The following DIAPH3 variants were observed in gnomAD, a reference collection of about 807,000 sequenced individuals.
DIAPH3 encodes the protein protein diaphanous homolog 3.
Under a neutral mutation model 144.3 loss-of-function variants are expected in DIAPH3, and 117 were observed. That is an observed-to-expected ratio of 0.81 (90% CI 0.70 to 0.95). The LOEUF (loss-of-function observed/expected upper bound fraction) is 0.95, where lower values mean the gene tolerates loss of function less well. Ranked by LOEUF, DIAPH3 falls within the 40% of genes least tolerant of loss-of-function variation. The pLI, the probability that DIAPH3 is intolerant of heterozygous loss-of-function variation, is 0.00. For synonymous variants in DIAPH3, 519 were observed against 488.9 expected, an observed-to-expected ratio of 1.06 and a Z score of -0.81; for missense variants, 1,421 against 1,412.7, an observed-to-expected ratio of 1.01 and a Z score of -0.09.
At chr13:59,706,328 A>G (rs1257458374) in intron 27 of DIAPH3, among the ~76,000 whole-genome samples, 2 of 152,148 alleles carry the variant, frequency 1.3e-5, no homozygotes, top group Non-Finnish European at 2.9e-5. Flanking sequence ...CATCTTTTAC[A>G]TCATATAATT....
intron 27 of DIAPH3, among the ~76,000 whole-genome samples, chr13:59,722,750 G>A (rs2035406094): frequency 6.6e-6 from 1 of 152,150 alleles, no homozygotes; most frequent in Non-Finnish European, 1.5e-5. Flanking sequence ...GTGGCAGTGA[G>A]GTTCTGGAGC....
At chr13:59,843,634 C>G (rs896929978) in intron 22 of DIAPH3, among the ~76,000 whole-genome samples, 1 of 152,196 alleles carries the variant, frequency 6.6e-6, no homozygotes, top group African/African-American at 2.4e-5. Context: ...TGAGGCTACT[C>G]TACAGATGCA....
chr13:59,918,233 G>C (rs1258352743), intron 18 of DIAPH3, among the ~76,000 whole-genome samples: 1 of 147,720 alleles, frequency 6.8e-6, no homozygotes, highest in East Asian at 2.0e-4. Context: ...AAGAGAGAGA[G>C]AGAGAGATAC....
At chr13:59,774,573 C>G (rs2038295732) in intron 26 of DIAPH3, among the ~76,000 whole-genome samples, 155 bp downstream of exon 26, 1 of 152,212 alleles carries the variant, frequency 6.6e-6, no homozygotes, top group South Asian at 2.1e-4. Flanking sequence ...TGACATTTGT[C>G]TGTGCAAGGG....
At chr13:59,778,503 C>T (rs1249433977) in intron 25 of DIAPH3, among the ~76,000 whole-genome samples, 2 of 152,188 alleles carry the variant, frequency 1.3e-5, no homozygotes, top group African/African-American at 4.8e-5. Context: ...AGATGGTCAG[C>T]TGGAAGGGTT....
At chr13:59,889,791 T>C (rs949523559) in intron 20 of DIAPH3, among the ~76,000 whole-genome samples, 14 of 152,146 alleles carry the variant, frequency 9.2e-5, no homozygotes, top group African/African-American at 3.4e-4. Flanking sequence ...TTAAGTTGTA[T>C]AGTTCACTAT....
intron 4 of DIAPH3, among the ~76,000 whole-genome samples, chr13:60,048,987 T>G (rs537153379): frequency 2.6e-5 from 4 of 152,360 alleles, no homozygotes; most frequent in African/African-American, 9.6e-5. Flanking sequence ...CTACGATGTA[T>G]GGAATACCTT....
chr13:60,161,119 C>T (rs896398294), intron 1 of DIAPH3, among the ~76,000 whole-genome samples: 2 of 152,142 alleles, frequency 1.3e-5, no homozygotes, highest in Non-Finnish European at 2.9e-5. Context: ...AAAACACTGG[C>T]CACCTAAATT....
At chr13:60,032,256 CACTG>C (rs2054855896) in intron 5 of DIAPH3, among the ~76,000 whole-genome samples, 1 of 152,144 alleles carries the variant, frequency 6.6e-6, no homozygotes, top group South Asian at 2.1e-4. Context: ...GTCTGAAGAG[CACTG>C]ACCCTCTTCT....
intron 12 of DIAPH3, 43 bp downstream of exon 12, chr13:59,991,115 T>C: frequency 7.9e-7 from 1 of 1,272,786 alleles, no homozygotes; most frequent in Non-Finnish European, 1.1e-6. Context: ...ATTAATAGAT[T>C]TTTATTAGTG....
At chr13:59,748,836 C>A (rs1379782010) in intron 27 of DIAPH3, among the ~76,000 whole-genome samples, 1 of 152,178 alleles carries the variant, frequency 6.6e-6, no homozygotes, top group Non-Finnish European at 1.5e-5. Context: ...AATCTGACAG[C>A]ATCTCAATCT....
chr13:59,893,782 C>T (rs555412396), intron 20 of DIAPH3, among the ~76,000 whole-genome samples: 4 of 152,010 alleles, frequency 2.6e-5, no homozygotes, highest in South Asian at 2.1e-4. Flanking sequence ...AATAACTCTG[C>T]CCACATACTC....
intron 9 of DIAPH3, among the ~76,000 whole-genome samples, chr13:60,008,257 A>G (rs544733287): frequency 1.1e-4 from 17 of 152,058 alleles, no homozygotes; most frequent in Admixed American, 3.9e-4. Context: ...TTAGCTGGGC[A>G]TGGTGGCAGG....
At chr13:59,909,763 A>C (rs551406358) in intron 20 of DIAPH3, among the ~76,000 whole-genome samples, 36 of 152,316 alleles carry the variant, frequency 2.4e-4, no homozygotes, top group African/African-American at 7.5e-4. Flanking sequence ...TGTACATTCC[A>C]GATTAAGTTT....
At position 59,666,604 on chromosome 13, in the gene DIAPH3, C is replaced by A; in HGVS notation, c.3562G>T (p.Ala1188Ser). 6.2e-7 allele frequency: 1 copy of A among 1,614,038 alleles called. No individual in the cohort carries two copies. The highest frequency in any genetic ancestry group is 1.1e-5 in the South Asian group (1 of 91,056). ...TTAACTTATAAAGCTCGTAATCTTG[C>A]CAGCAGGGCTTCAACTTCGGGAACT... is the stretch of plus-strand genomic sequence containing the variant. Reference protein sequence around the residue: ...ESVPEVEALLARLRAL With the variant: ...ESVPEVEALLSRLRAL The change falls in exon 28 of 28, where the codon GCA (alanine) becomes TCA (serine). Residue 1188 changes from alanine to serine, a missense_variant. Physicochemically the swap from Ala to Ser is moderately conservative, Grantham distance 99. Coordinates refer to ENST00000400324, the MANE Select transcript of DIAPH3 (RefSeq NM_001042517.2).
At chr13:59,719,096 AC>A (rs1437399899) in intron 27 of DIAPH3, among the ~76,000 whole-genome samples, 2 of 152,324 alleles carry the variant, frequency 1.3e-5, no homozygotes, top group East Asian at 1.9e-4. Context: ...TAGCAAAAAA[AC>A]AAAACAAAAC....
intron 27 of DIAPH3, among the ~76,000 whole-genome samples, chr13:59,671,288 T>C (rs951476398): frequency 6.6e-6 from 1 of 152,280 alleles, no homozygotes; most frequent in Admixed American, 6.5e-5. Context: ...AGTTAGACAG[T>C]TACAAATGCA....
At chr13:59,803,809 A>C (rs1341593505) in intron 25 of DIAPH3, among the ~76,000 whole-genome samples, 2 of 152,210 alleles carry the variant, frequency 1.3e-5, no homozygotes, top group Non-Finnish European at 2.9e-5. Flanking sequence ...ACATAAGTGA[A>C]AAGCTGCCTA....
chr13:60,004,109 GTGTT>G, intron 9 of DIAPH3, among the ~76,000 whole-genome samples: 1 of 152,270 alleles, frequency 6.6e-6, no homozygotes, highest in Non-Finnish European at 1.5e-5. Flanking sequence ...AATGAAGAAT[GTGTT>G]TATTTTGCTA....
Sources: gnomAD v4.1 joint callset for allele counts (sites outside exome capture counted in the v4.1 genomes callset) on GRCh38, gnomAD v4.1.1 for gene constraint, MANE v1.5 for transcripts, NCBI Gene and HGNC (gene_info 2026-07-23, HGNC 2026-07-21) for gene names.